The following KCNN3 variants were observed in gnomAD, a reference collection of about 807,000 sequenced individuals.
The protein encoded by KCNN3 is small conductance calcium-activated potassium channel protein 3.
KCNN3 carries 16 observed loss-of-function variants against 62.9 expected under a neutral mutation model. That is an observed-to-expected ratio of 0.25 (90% CI 0.17 to 0.39). KCNN3 has a LOEUF of 0.39. KCNN3 is among the 10% of genes least tolerant of loss of function. The probability of loss-of-function intolerance (pLI) is 1.00; values close to 1 mark genes in which losing one functional copy is unlikely to be tolerated. For missense variants in KCNN3, 599 were observed against 949.4 expected (o/e 0.63, Z 4.85); for synonymous variants, 370 against 389.2 (o/e 0.95, Z 0.58).
intron 1 of KCNN3, among the ~76,000 whole-genome samples, chr1:154,840,821 G>C (rs1176749572): frequency 6.6e-6 from 1 of 152,224 alleles, no homozygotes; most frequent in Admixed American, 6.5e-5. Flanking sequence ...GCAGAGTGGA[G>C]AGCTCCAAAG....
At chr1:154,793,991 G>A (rs531498574) in intron 2 of KCNN3, among the ~76,000 whole-genome samples, 1 of 152,304 alleles carries the variant, frequency 6.6e-6, no homozygotes, top group South Asian at 2.1e-4. Context: ...CTGTCCCAGG[G>A]CTAGAGGTTC....
chr1:154,737,407 G>A (rs1196142190), intron 3 of KCNN3, among the ~76,000 whole-genome samples: 1 of 152,122 alleles, frequency 6.6e-6, no homozygotes, highest in African/African-American at 2.4e-5. Flanking sequence ...AGAGACATAT[G>A]TCTACTTTTG....
chr1:154,749,781 A>G (rs917528911), intron 3 of KCNN3, among the ~76,000 whole-genome samples: 6 of 152,114 alleles, frequency 3.9e-5, no homozygotes, highest in African/African-American at 1.4e-4. Flanking sequence ...GTCTGGCCTG[A>G]GCATGAGGGG....
chr1:154,868,906 C>CAA (rs762676391), intron 1 of KCNN3, 126 bp downstream of exon 1: 1 of 299,972 alleles, frequency 3.3e-6, no homozygotes, highest in South Asian at 7.9e-5. Context: ...CTCAATCTCT[C>CAA]TCTCTCTCTC....
chr1:154,800,719 C>G (rs141246575), intron 2 of KCNN3, among the ~76,000 whole-genome samples: 2 of 152,100 alleles, frequency 1.3e-5, no homozygotes, highest in Non-Finnish European at 2.9e-5. Context: ...CAGGCTTCAC[C>G]GGGAGATGCC....
At chr1:154,742,455 G>A (rs1700842018) in intron 3 of KCNN3, among the ~76,000 whole-genome samples, 1 of 152,212 alleles carries the variant, frequency 6.6e-6, no homozygotes. Flanking sequence ...TGTAAAAGAG[G>A]ATAATACTTG....
chr1:154,846,611 C>T (rs1652071577), intron 1 of KCNN3, among the ~76,000 whole-genome samples: 1 of 152,194 alleles, frequency 6.6e-6, no homozygotes, highest in African/African-American at 2.4e-5. Flanking sequence ...GCCGATTGCT[C>T]CCCTGCCCCT....
At chr1:154,804,706 T>C (rs1650097818) in intron 2 of KCNN3, among the ~76,000 whole-genome samples, 1 of 152,206 alleles carries the variant, frequency 6.6e-6, no homozygotes, top group Admixed American at 6.5e-5. Flanking sequence ...TACATAGTCC[T>C]AATCCCTTTT....
chr1:154,819,351 A>C (rs1447786737), intron 2 of KCNN3, among the ~76,000 whole-genome samples: 1 of 152,216 alleles, frequency 6.6e-6, no homozygotes, highest in Non-Finnish European at 1.5e-5. Flanking sequence ...CCTTGAACTC[A>C]GCATGCTTTC....
At chr1:154,743,322 AG>A (rs1478608784) in intron 3 of KCNN3, among the ~76,000 whole-genome samples, 1 of 152,168 alleles carries the variant, frequency 6.6e-6, no homozygotes, top group East Asian at 1.9e-4. Flanking sequence ...CGCTTGCCTC[AG>A]GCTAGTCCTG....
At position 154,698,486 on chromosome 1, in the gene KCNN3, A is replaced by G. The variant is rs1374498929; in HGVS notation, c.*9490T>C. The stretch of plus-strand genomic sequence containing the variant: ...AGTGTCACCATGGGGGCAGGGAGCT[A>G]GAGAGATTTAGTTGGTTTAAAGAAG... On this transcript the variant is annotated 3_prime_UTR_variant, in exon 8 of 8. Transcript: ENST00000271915. 6.6e-6 allele frequency: 1 copy of G among 152,220 alleles called. No individual in the cohort carries two copies. The highest frequency in any genetic ancestry group is 1.5e-5 in the Non-Finnish European group (1 of 68,054). 9.4% of individuals were successfully genotyped at this position (152,220 alleles called of 1,614,324 possible).
At chr1:154,726,148 C>T in intron 4 of KCNN3, 122 bp from the exon 5 acceptor site, 1 of 702,474 alleles carries the variant, frequency 1.4e-6, no homozygotes, top group Non-Finnish European at 2.5e-6. Flanking sequence ...GGAACTTGAG[C>T]TCTCTGGCTG....
chr1:154,849,527 C>T (rs112269354), intron 1 of KCNN3, among the ~76,000 whole-genome samples: 153 of 152,348 alleles, frequency 1.0e-3, no homozygotes, highest in African/African-American at 3.6e-3. Flanking sequence ...CACTGCCCCA[C>T]TCAAGACAAG....
chr1:154,831,896 G>A (rs1314733449), intron 1 of KCNN3, among the ~76,000 whole-genome samples: 4 of 151,948 alleles, frequency 2.6e-5, no homozygotes, highest in Admixed American at 6.6e-5. Context: ...ACTCATTAAC[G>A]TACAGAACAC....
intron 2 of KCNN3, among the ~76,000 whole-genome samples, chr1:154,795,143 G>T (rs1649676183): frequency 6.6e-6 from 1 of 152,194 alleles, no homozygotes; most frequent in Non-Finnish European, 1.5e-5. Context: ...ACGTGCCCAG[G>T]AAAGCAGAGG....
chr1:154,810,380 T>A (rs1330040302), intron 2 of KCNN3, among the ~76,000 whole-genome samples: 1 of 151,978 alleles, frequency 6.6e-6, no homozygotes, highest in Non-Finnish European at 1.5e-5. Flanking sequence ...AGTCAGCCCC[T>A]CAGAAGGCAG....
At chr1:154,865,375 A>C (rs1030468977) in intron 1 of KCNN3, among the ~76,000 whole-genome samples, 1 of 151,722 alleles carries the variant, frequency 6.6e-6, no homozygotes, top group Non-Finnish European at 1.5e-5. Context: ...AGGACTCCTC[A>C]TTTGGTTCAA....
intron 5 of KCNN3, among the ~76,000 whole-genome samples, chr1:154,725,176 T>C (rs1700435578): frequency 6.6e-6 from 1 of 152,222 alleles, no homozygotes; most frequent in Non-Finnish European, 1.5e-5. Context: ...TTAAATGATT[T>C]TTTTTAAAGG....
chr1:154,809,802 C>A lies in KCNN3; in HGVS notation c.1029+12287G>T, dbSNP rs1267729585. 6.6e-6 allele frequency among the ~76,000 whole-genome samples: 1 copy of A among 152,170 alleles called. No homozygotes were observed. The highest frequency in any genetic ancestry group is 1.5e-5 in the Non-Finnish European group (1 of 68,022). ...GATTGAGGGGGCAGAGGGTGGGGAG[C>A]TGCTTAGCAGCTCATGAGAAGACAG... On this transcript the variant is annotated intron_variant, in intron 2 of 7. Coordinates refer to ENST00000271915, the MANE Select transcript of KCNN3 (RefSeq NM_002249.6). The surrounding 1 kb of genome is among the most constrained non-coding windows in gnomAD (Gnocchi z 4.3).
Sources: gnomAD v4.1 joint callset for allele counts (sites outside exome capture counted in the v4.1 genomes callset) on GRCh38, gnomAD v4.1.1 for gene constraint, Gnocchi (gnomAD v3.1) non-coding constraint, MANE v1.5 for transcripts, NCBI Gene and HGNC (gene_info 2026-07-23, HGNC 2026-07-21) for gene names.